Variants in NPR3 observed in about 807,000 individuals in gnomAD.
NPR3 encodes atrial natriuretic peptide receptor 3.
In NPR3, 34 loss-of-function variants were observed where a neutral mutation model predicts 54.5. The ratio of observed to expected loss-of-function variants is 0.62; its 90% CI spans 0.47 to 0.83. The LOEUF (loss-of-function observed/expected upper bound fraction) is 0.83. NPR3 is among the 40% of genes least tolerant of loss of function. The pLI is 0.00. For synonymous variants in NPR3, 289 were observed against 297.1 expected, an observed-to-expected ratio of 0.97 and a Z score of 0.28; for missense variants, 674 against 720.8, an observed-to-expected ratio of 0.94 and a Z score of 0.74.
At chr5:32,754,796 T>C (rs1361979791) in intron 3 of NPR3, among the ~76,000 whole-genome samples, 1 of 152,220 alleles carries the variant, frequency 6.6e-6, no homozygotes, top group Non-Finnish European at 1.5e-5. Context: ...GATATCTCTA[T>C]GTGGAATAAT....
rs148199186 is a variant in NPR3 at position 32,737,371 on chromosome 5, G to A, written c.893-1493G>A. On this transcript the variant is annotated intron_variant, in intron 2 of 7. Transcript: ENST00000265074. ...CCTGCCAATCTCAGGACCTTGCATA[G>A]TTCATAGATGTTTGTCTGATTCACA... 2.6e-5 allele frequency among the ~76,000 whole-genome samples: 4 copies of A among 152,336 alleles called. No individual in the cohort carries two copies. In the East Asian group the frequency reaches 7.7e-4, roughly 29 times the overall value.
chr5:32,706,678 G>A (rs1290995634), upstream of NPR3, among the ~76,000 whole-genome samples: 3 of 152,222 alleles, frequency 2.0e-5, no homozygotes, highest in Admixed American at 2.0e-4. Flanking sequence ...TTTTGTGAGA[G>A]TTTTGATGGG....
intron 3 of NPR3, among the ~76,000 whole-genome samples, chr5:32,757,544 A>G (rs1740912584): frequency 6.6e-6 from 1 of 152,210 alleles, no homozygotes; most frequent in Non-Finnish European, 1.5e-5. Flanking sequence ...TGTCATCTGC[A>G]AACAGGGACA....
Position 32,784,801 on chromosome 5 carries a change from G to A in NPR3, c.1432G>A (p.Gly478Ser), listed in dbSNP as rs146301345. 2.3e-3 allele frequency: 3,716 copies of A among 1,613,038 alleles called. 10 individuals carry two copies. Among genetic ancestry groups the A allele is most frequent in the Non-Finnish European group, 2.7e-3 (3,224 of 1,179,134 alleles). ...ATCCATGCTTCTTTTTCAAGCAGGT[G>A]GCCTAGAAGAATCGGCAGTGACAGG... Reference protein sequence around the residue: ...TNSSPCKSSGGLEESAVTGIV... With the variant: ...TNSSPCKSSGSLEESAVTGIV... The change falls in exon 7 of 8, where the codon GGC (glycine) becomes AGC (serine). Residue 478 changes from glycine (G) to serine (S), a missense_variant. Gly to Ser is a moderately conservative substitution (Grantham distance 56, BLOSUM62 0). Coordinates refer to ENST00000265074, the MANE Select transcript of NPR3 (RefSeq NM_001204375.2).
chr5:32,727,227 A>G (rs541937606), intron 2 of NPR3, among the ~76,000 whole-genome samples: 4 of 152,256 alleles, frequency 2.6e-5, no homozygotes, highest in Admixed American at 6.5e-5. Context: ...CATGGGCTCA[A>G]GTGATCCTTC....
At chr5:32,731,765 T>C (rs1739461584) in intron 2 of NPR3, among the ~76,000 whole-genome samples, 1 of 152,176 alleles carries the variant, frequency 6.6e-6, no homozygotes, top group African/African-American at 2.4e-5. Context: ...GCATTAGGAA[T>C]TGCATCTTCA....
chr5:32,733,886 A>G (rs1020090329), intron 2 of NPR3, among the ~76,000 whole-genome samples: 8 of 152,034 alleles, frequency 5.3e-5, no homozygotes, highest in Admixed American at 6.6e-5. Context: ...AAATGAATGT[A>G]GGTTAGGTGG....
intron 1 of NPR3, among the ~76,000 whole-genome samples, chr5:32,714,309 C>G (rs1738432535): frequency 6.6e-6 from 1 of 152,146 alleles, no homozygotes; most frequent in Non-Finnish European, 1.5e-5. Flanking sequence ...ATGTGTGAGA[C>G]CAGAGGAGGG....
chr5:32,758,382 A>C (rs1022984388), intron 3 of NPR3, among the ~76,000 whole-genome samples: 2 of 152,064 alleles, frequency 1.3e-5, no homozygotes, highest in Non-Finnish European at 2.9e-5. Flanking sequence ...TTTCTAGTTT[A>C]TTTGCATAGA....
At chr5:32,735,481 A>G (rs1235457193) in intron 2 of NPR3, among the ~76,000 whole-genome samples, 4 of 111,134 alleles carry the variant, frequency 3.6e-5, no homozygotes, top group South Asian at 4.8e-4. Flanking sequence ...AAAAATACCA[A>G]AAAAAAAAAA....
intron 3 of NPR3, among the ~76,000 whole-genome samples, chr5:32,747,129 A>G (rs1351667043): frequency 6.6e-6 from 1 of 152,196 alleles, no homozygotes; most frequent in African/African-American, 2.4e-5. Flanking sequence ...CCATTTCCCT[A>G]GAGACAATCA....
chr5:32,721,478 AC>A (rs756744633), intron 1 of NPR3, among the ~76,000 whole-genome samples: 50 of 152,132 alleles, frequency 3.3e-4, no homozygotes, highest in Non-Finnish European at 6.8e-4. Context: ...CTCTATCTAT[AC>A]AAAAAGAACG....
chr5:32,771,974 A>G (rs183383000), intron 3 of NPR3, among the ~76,000 whole-genome samples: 92 of 152,106 alleles, frequency 6.0e-4, no homozygotes, highest in Middle Eastern at 6.8e-3. Flanking sequence ...AAAAAAGTGA[A>G]CTGAGAATGA....
At chr5:32,699,419 C>A (rs1561066947) in intron 1 of NPR3, among the ~76,000 whole-genome samples, 1 of 151,914 alleles carries the variant, frequency 6.6e-6, no homozygotes, top group Non-Finnish European at 1.5e-5. Context: ...GGTTTTAAGC[C>A]CCGAATGCAT....
chr5:32,720,595 G>C (rs896994112), intron 1 of NPR3, among the ~76,000 whole-genome samples: 4 of 152,214 alleles, frequency 2.6e-5, no homozygotes, highest in Non-Finnish European at 2.9e-5. Context: ...GGAGGAAATA[G>C]AGTAGAATGA....
chr5:32,789,515 C>G lies in NPR3; in HGVS notation c.*3170C>G. 3 of 534,702 alleles carry G rather than the reference C, an allele frequency of 5.6e-6. No homozygotes were observed. Among genetic ancestry groups the G allele is most frequent in the Non-Finnish European group, 1.2e-5 (3 of 260,086 alleles). The allele number at this position is 534,702 out of a possible 1,614,324, so 33.1% of individuals were successfully genotyped here. A position where few individuals can be genotyped will look rare whatever the true frequency, so the allele number is the denominator to read the frequency against. ...CTATAATTCTTCACATTTCAGAACC[C>G]ATGTTTAATGGAGGGAAGAGAGAAA... On this transcript the variant is annotated 3_prime_UTR_variant, in exon 8 of 8. Coordinates refer to ENST00000265074, the MANE Select transcript of NPR3 (RefSeq NM_001204375.2).
rs570199241 is a variant in NPR3 at position 32,742,982 on chromosome 5, A to G, written c.1059+3952A>G. On this transcript the variant is annotated intron_variant, in intron 3 of 7. Transcript: ENST00000265074. ...TATTACCATGTTGTCAGCATCTTTA[A>G]AAAGGTTATGGTCTTCTGAAAATGA... Among the ~76,000 whole-genome samples the G allele has an allele frequency of 2.6e-4, 40 of 152,336 alleles. 1 individual carries two copies. Among genetic ancestry groups the G allele is most frequent in the African/African-American group, 9.1e-4 (38 of 41,578 alleles).
In NPR3 at chr5:32,712,455, G is replaced by C. The variant is rs762157007; in HGVS notation, c.679G>C (p.Glu227Gln). 1.8e-5 allele frequency: 29 copies of C among 1,608,600 alleles called. No homozygotes were observed. The highest frequency in any genetic ancestry group is 2.4e-5 in the Non-Finnish European group (28 of 1,178,458). Reference protein sequence around the residue: ...LEGVHEVFQEEGLHTSIYSFD... With the variant: ...LEGVHEVFQEQGLHTSIYSFD... ...GGGGGTCCACGAGGTCTTCCAGGAGGAGGGTTTGCACACGTCCATCTACAG... is the reference window on the plus strand; with the variant it reads ...GGGGGTCCACGAGGTCTTCCAGGAGCAGGGTTTGCACACGTCCATCTACAG... The change falls in exon 1 of 8, where the codon GAG (glutamate) becomes CAG (glutamine). Residue 227 changes from glutamate to glutamine, a missense_variant. Coordinates refer to ENST00000265074, the MANE Select transcript of NPR3 (RefSeq NM_001204375.2).
intron 3 of NPR3, among the ~76,000 whole-genome samples, chr5:32,743,914 G>T (rs1740158590): frequency 6.6e-6 from 1 of 151,202 alleles, no homozygotes; most frequent in Admixed American, 6.6e-5. Context: ...ATTCCTATGG[G>T]TACTATAATA....
Sources: allele counts gnomAD v4.1 joint callset (sites outside exome capture counted in the v4.1 genomes callset), GRCh38; gene constraint gnomAD v4.1.1; transcripts MANE v1.5; gene names NCBI Gene and HGNC (gene_info 2026-07-23, HGNC 2026-07-21).